WDR7: variants seen among roughly 807,000 people sequenced by gnomAD.
WDR7 encodes the protein WD repeat domain 7.
A neutral mutation model predicts 169.4 loss-of-function variants in WDR7; 46 were observed. The ratio of observed to expected loss-of-function variants is 0.27; its 90% CI spans 0.21 to 0.35. WDR7 has a LOEUF of 0.35. Among genes scored for constraint, WDR7 ranks in the 10% least tolerant of loss-of-function variants. WDR7 has a pLI of 1.00. For synonymous variants in WDR7, 612 were observed against 666.8 expected (o/e 0.92, Z 1.27); for missense variants, 1,534 against 1,859.3 (o/e 0.83, Z 3.22).
At chr18:56,892,188 A>G (rs180718576) in intron 21 of WDR7, among the ~76,000 whole-genome samples, 2 of 152,258 alleles carry the variant, frequency 1.3e-5, no homozygotes, top group East Asian at 1.9e-4. Flanking sequence ...TTCTAAGGCC[A>G]TTTCCATCTG....
At chr18:57,032,845 A>ATG (rs2048450237), downstream of WDR7, 1 of 126,360 alleles carries the variant, frequency 7.9e-6, no homozygotes, top group Non-Finnish European at 1.7e-5. Flanking sequence ...ATATATATAT[A>ATG]CAGTGTAATA....
At chr18:56,775,242 C>G (rs1377288723) in intron 16 of WDR7, among the ~76,000 whole-genome samples, 1 of 152,092 alleles carries the variant, frequency 6.6e-6, no homozygotes, top group African/African-American at 2.4e-5. Context: ...ATAACAATTT[C>G]TCCCCATTTT....
At chr18:56,986,366 A>C (rs2047719985) in intron 26 of WDR7, among the ~76,000 whole-genome samples, 1 of 152,222 alleles carries the variant, frequency 6.6e-6, no homozygotes, top group Admixed American at 6.5e-5. Context: ...TGGTATTATC[A>C]AACTACCAAC....
At chr18:56,821,516 A>C (rs2045095800) in intron 20 of WDR7, among the ~76,000 whole-genome samples, 1 of 152,192 alleles carries the variant, frequency 6.6e-6, no homozygotes, top group African/African-American at 2.4e-5. Flanking sequence ...AAAGTAACAC[A>C]TTAAACTTTG....
At chr18:56,815,161 A>G (rs764639203) in intron 19 of WDR7, among the ~76,000 whole-genome samples, 3 of 152,232 alleles carry the variant, frequency 2.0e-5, no homozygotes, top group African/African-American at 7.2e-5. Context: ...AATGGATTCT[A>G]TGTAGGCAGT....
intron 19 of WDR7, among the ~76,000 whole-genome samples, chr18:56,804,773 A>G (rs988393558): frequency 1.3e-5 from 2 of 152,230 alleles, no homozygotes; most frequent in African/African-American, 2.4e-5. Context: ...GAGAGCTGAG[A>G]TTTTGAGACA....
intron 12 of WDR7, among the ~76,000 whole-genome samples, chr18:56,711,043 T>C (rs1174898905): frequency 6.6e-6 from 1 of 151,966 alleles, no homozygotes; most frequent in Non-Finnish European, 1.5e-5. Context: ...AAGACATTTT[T>C]CTTTTTGTCC....
chr18:56,998,835 TA>T (rs962321941), intron 26 of WDR7, among the ~76,000 whole-genome samples: 12 of 152,330 alleles, frequency 7.9e-5, no homozygotes, highest in African/African-American at 2.6e-4. Context: ...ATTCTACTTA[TA>T]AAATGAGAGC....
At chr18:56,878,004 T>C (rs1322700693) in intron 20 of WDR7, among the ~76,000 whole-genome samples, 1 of 152,196 alleles carries the variant, frequency 6.6e-6, no homozygotes, top group Non-Finnish European at 1.5e-5. Flanking sequence ...TGTGGATGCT[T>C]ATAATATTGC....
intron 26 of WDR7, among the ~76,000 whole-genome samples, chr18:56,965,857 A>C (rs1200625790): frequency 1.3e-5 from 2 of 151,980 alleles, no homozygotes; most frequent in African/African-American, 4.8e-5. Flanking sequence ...GTGGGGTTGA[A>C]CTCCATCTCT....
chr18:56,999,398 G>A (rs993757573), intron 26 of WDR7, among the ~76,000 whole-genome samples: 1 of 152,144 alleles, frequency 6.6e-6, no homozygotes, highest in Non-Finnish European at 1.5e-5. Context: ...TATATATGAA[G>A]TAGTGATAAT....
rs1568178063 is a variant in WDR7 at position 56,757,333 on chromosome 18, A to G, written c.2740A>G (p.Met914Val). 6.2e-7 allele frequency: 1 copy of G among 1,609,144 alleles called. No individual in the cohort carries two copies. Among genetic ancestry groups the G allele is most frequent in the South Asian group, 1.1e-5 (1 of 90,992 alleles). Residue 914 changes from methionine to valine, a missense_variant, in exon 15 of 28, where the codon ATG (methionine) becomes GTG (valine). Physicochemically the swap from Met to Val is conservative, Grantham distance 21 (BLOSUM62 1). Transcript: ENST00000254442. ...MTNATFIGDH[M>V]KKGPTRPPRP... Reference sequence around the variant, plus strand: ...CAATGCAACTTTTATTGGTGATCATATGAAGAAGGGTCCTACCAGGTGTGA... The same window carrying G: ...CAATGCAACTTTTATTGGTGATCATGTGAAGAAGGGTCCTACCAGGTGTGA...
chr18:56,737,803 G>T (rs1019329030), intron 14 of WDR7, among the ~76,000 whole-genome samples: 4 of 152,156 alleles, frequency 2.6e-5, no homozygotes, highest in African/African-American at 9.7e-5. Flanking sequence ...AAATGACATT[G>T]TGTACGGGAT....
chr18:57,035,378 A>G, the WDR7 span: 1 of 152,518 alleles, frequency 6.6e-6, no homozygotes, highest in East Asian at 1.9e-4. Flanking sequence ...GGACCCAGGG[A>G]AAAAGTGCTG....
At chr18:57,009,497 A>G (rs2048109163) in intron 26 of WDR7, among the ~76,000 whole-genome samples, 1 of 150,654 alleles carries the variant, frequency 6.6e-6, no homozygotes, top group Non-Finnish European at 1.5e-5. Context: ...AGAACAACAT[A>G]CAACATAAAT....
chr18:56,771,126 G>A (rs1374081306), intron 16 of WDR7, among the ~76,000 whole-genome samples: 1 of 152,180 alleles, frequency 6.6e-6, no homozygotes, highest in African/African-American at 2.4e-5. Context: ...TTTATGAAAT[G>A]CAGTGTCCAG....
chr18:56,727,838 T>C (rs986036376), intron 13 of WDR7, among the ~76,000 whole-genome samples: 5 of 152,222 alleles, frequency 3.3e-5, no homozygotes, highest in African/African-American at 1.2e-4. Context: ...TTAATTACCA[T>C]TGATATGTTA....
intron 19 of WDR7, among the ~76,000 whole-genome samples, chr18:56,807,116 A>T (rs1177063440): frequency 6.9e-6 from 1 of 144,356 alleles, no homozygotes; most frequent in Non-Finnish European, 1.5e-5. Context: ...TCACCACTTG[A>T]TGATGTAACC....
intron 14 of WDR7, among the ~76,000 whole-genome samples, chr18:56,739,206 G>C (rs2043575419): frequency 6.6e-6 from 1 of 151,286 alleles, no homozygotes; most frequent in Non-Finnish European, 1.5e-5. Context: ...TTTTTTCTTG[G>C]CCTCTTTCAG....
Sources: gnomAD v4.1 joint callset for allele counts (sites outside exome capture counted in the v4.1 genomes callset) on GRCh38, gnomAD v4.1.1 for gene constraint, MANE v1.5 for transcripts, NCBI Gene and HGNC (gene_info 2026-07-23, HGNC 2026-07-21) for gene names.